RNF212: variants seen among roughly 807,000 people sequenced by gnomAD.
The protein encoded by RNF212 is probable E3 SUMO-protein ligase RNF212.
A neutral mutation model predicts 34.7 loss-of-function variants in RNF212; 33 were observed. The ratio of observed to expected loss-of-function variants is 0.95; its 90% CI spans 0.72 to 1.27. The LOEUF is 1.27. RNF212 is among the 50% of genes most tolerant of loss of function. RNF212 has a pLI of 0.00. For missense variants in RNF212, 377 were observed against 362.2 expected (o/e 1.04, Z -0.33); for synonymous variants, 140 against 136.1 (o/e 1.03, Z -0.20).
chr4:1,072,936 T>C lies in RNF212; in HGVS notation c.832A>G (p.Arg278Gly), dbSNP rs1718668629. The stretch of plus-strand genomic sequence containing the variant: ...AACACAACAGACACAGCGGGTGTTC[T>C]GAACGTGTCCAGGGTGCCCTCAGCC... Reference protein sequence around the residue: ...QQAEGTLDTFRTPAVSVVFPL... With the variant: ...QQAEGTLDTFGTPAVSVVFPL... The change falls in exon 10 of 10, where the codon AGA becomes GGA. Residue 278 changes from arginine (R) to glycine (G), a missense_variant. By Grantham distance (125) the Arg-to-Gly change is moderately radical. Coordinates refer to ENST00000433731, the MANE Select transcript of RNF212 (RefSeq NM_001131034.4). The C allele has an allele frequency of 3.7e-6, 6 of 1,613,918 alleles. No individual in the cohort carries two copies. The Admixed American group carries it at 6.7e-5, about 18-fold the overall frequency.
chr4:1,109,689 C>T (rs992678756), intron 1 of RNF212, among the ~76,000 whole-genome samples: 1 of 152,170 alleles, frequency 6.6e-6, no homozygotes, highest in Non-Finnish European at 1.5e-5. Context: ...TCAGAAGCAG[C>T]CCTGGCTCAT....
At chr4:1,090,449 A>T (rs554090403) in intron 4 of RNF212, among the ~76,000 whole-genome samples, 1 of 152,174 alleles carries the variant, frequency 6.6e-6, no homozygotes, top group Non-Finnish European at 1.5e-5. Flanking sequence ...GTTTTTCAAA[A>T]TGGGATGGTT....
chr4:1,102,734 C>T (rs942991017), intron 2 of RNF212, among the ~76,000 whole-genome samples: 1 of 150,682 alleles, frequency 6.6e-6, no homozygotes, highest in Non-Finnish European at 1.5e-5. Flanking sequence ...CCCCTGCAGT[C>T]CCAGCTACTC....
intron 9 of RNF212, 96 bp from the exon 10 acceptor site, chr4:1,073,289 G>C (rs777249686): frequency 1.0e-4 from 155 of 1,485,968 alleles, no homozygotes; most frequent in Non-Finnish European, 1.4e-4. Context: ...ACTTTGAAAA[G>C]GGACCAGCAA....
intron 3 of RNF212, chr4:1,093,769 G>A (rs970625967): frequency 6.5e-7 from 1 of 1,536,304 alleles, no homozygotes; most frequent in Middle Eastern, 1.7e-4. Context: ...TGGTGTGAAT[G>A]AGGGTCCTGC....
At chr4:1,074,359 T>C (rs2153037528) in intron 8 of RNF212, among the ~76,000 whole-genome samples, 1 of 152,332 alleles carries the variant, frequency 6.6e-6, no homozygotes, top group East Asian at 1.9e-4. Flanking sequence ...CCCAGGCTCC[T>C]TGCCTCACCC....
chr4:1,091,340 G>A (rs1201832070), intron 3 of RNF212, among the ~76,000 whole-genome samples: 2 of 152,220 alleles, frequency 1.3e-5, no homozygotes, highest in Admixed American at 6.5e-5. Context: ...CATGCATGCT[G>A]TCTAGACAGC....
chr4:1,106,945 A>G (rs1724922476), intron 2 of RNF212, among the ~76,000 whole-genome samples: 1 of 152,260 alleles, frequency 6.6e-6, no homozygotes, highest in Admixed American at 6.5e-5. Flanking sequence ...TGTTTGAAAC[A>G]GCGAAAAACC....
intron 8 of RNF212, among the ~76,000 whole-genome samples, chr4:1,074,484 C>T (rs749717035): frequency 6.6e-6 from 1 of 152,170 alleles, no homozygotes; most frequent in Non-Finnish European, 1.5e-5. Context: ...ATCCACAGGC[C>T]CTTCCAGTAC....
At chr4:1,111,206 C>A (rs1368159289) in intron 1 of RNF212, among the ~76,000 whole-genome samples, 2 of 152,190 alleles carry the variant, frequency 1.3e-5, no homozygotes, top group Non-Finnish European at 2.9e-5. Flanking sequence ...CTGACATCTT[C>A]TTTACCTCCT....
At chr4:1,066,332 G>A (rs1031778405) in intron 3 of RNF212, among the ~76,000 whole-genome samples, 1 of 151,766 alleles carries the variant, frequency 6.6e-6, no homozygotes, top group South Asian at 2.1e-4. Flanking sequence ...GCTGCCCTCC[G>A]CTTTTCTTTT....
intron 3 of RNF212, among the ~76,000 whole-genome samples, chr4:1,062,364 A>G (rs1039616882): frequency 4.6e-5 from 7 of 152,250 alleles, no homozygotes; most frequent in African/African-American, 9.6e-5. Flanking sequence ...TATTCTATCA[A>G]TGGAAGTAAT....
At chr4:1,073,860 G>A (rs1234385978) in intron 8 of RNF212, 198 bp from the exon 9 acceptor site, 9 of 589,860 alleles carry the variant, frequency 1.5e-5, no homozygotes, top group African/African-American at 7.5e-5. Context: ...TGGTGTGGGT[G>A]GGTATTACCT....
At chr4:1,085,871 A>G (rs1560122374) in intron 5 of RNF212, 25 bp downstream of exon 5, 2 of 1,579,158 alleles carry the variant, frequency 1.3e-6, no homozygotes, top group Middle Eastern at 1.7e-4. Context: ...TCGACTGCGC[A>G]CTCACGGGGG....
At chr4:1,058,828 C>A (rs940976350) in intron 3 of RNF212, among the ~76,000 whole-genome samples, 1 of 152,140 alleles carries the variant, frequency 6.6e-6, no homozygotes, top group Non-Finnish European at 1.5e-5. Flanking sequence ...TGTGGGCATG[C>A]GGACTGTGCC....
At chr4:1,088,280 T>G (rs796772526) in intron 4 of RNF212, among the ~76,000 whole-genome samples, 46 of 152,320 alleles carry the variant, frequency 3.0e-4, no homozygotes, top group African/African-American at 9.6e-4. Flanking sequence ...ACTCTTGCTG[T>G]GCTTTAGCAA....
intron 9 of RNF212, among the ~76,000 whole-genome samples, 173 bp downstream of exon 9, chr4:1,073,426 G>A (rs1437041630): frequency 2.0e-5 from 3 of 152,034 alleles, no homozygotes; most frequent in South Asian, 4.1e-4. Context: ...GCTTCTCCCT[G>A]GAAGGACTCA....
At position 1,085,968 on chromosome 4, in the gene RNF212, C is replaced by T. The variant is rs1268776428; in HGVS notation, c.304-14G>A. ...CAACCTAGAAATCTAAACATAATTACACAACCTCTTGTTATCAGACAGGCT... is the reference window on the plus strand; with the variant it reads ...CAACCTAGAAATCTAAACATAATTATACAACCTCTTGTTATCAGACAGGCT... On this transcript the variant is annotated splice_polypyrimidine_tract_variant and intron_variant, in intron 4 of 9. Coordinates refer to ENST00000433731, the MANE Select transcript of RNF212 (RefSeq NM_001131034.4). 6.3e-7 allele frequency: 1 copy of T among 1,582,650 alleles called. No homozygotes were observed. Among genetic ancestry groups the T allele is most frequent in the Non-Finnish European group, 8.7e-7 (1 of 1,152,210 alleles).
intron 3 of RNF212, among the ~76,000 whole-genome samples, chr4:1,094,189 A>T (rs1409733570): frequency 6.6e-6 from 1 of 152,072 alleles, no homozygotes; most frequent in Non-Finnish European, 1.5e-5. Context: ...CTCTTTCCCC[A>T]CAAGGCAGGT....
Sources: gnomAD v4.1 joint callset for allele counts (sites outside exome capture counted in the v4.1 genomes callset) on GRCh38, gnomAD v4.1.1 for gene constraint, MANE v1.5 for transcripts, NCBI Gene and HGNC (gene_info 2026-07-23, HGNC 2026-07-21) for gene names.